The following FAM193B variants were observed in gnomAD, a reference collection of about 807,000 sequenced individuals.
The protein encoded by FAM193B is protein FAM193B.
In FAM193B, 27 loss-of-function variants were observed where a neutral mutation model predicts 70.7. The ratio of observed to expected loss-of-function variants is 0.38; its 90% CI spans 0.28 to 0.53. The LOEUF (loss-of-function observed/expected upper bound fraction) is 0.53. Among genes scored for constraint, FAM193B ranks in the 20% least tolerant of loss-of-function variants. The pLI is 0.81. For synonymous variants in FAM193B, 448 were observed against 436.0 expected (o/e 1.03, Z -0.34); for missense variants, 1,022 against 1,072.5 (o/e 0.95, Z 0.66).
At chr5:177,531,536 G>GGGGT in intron 5 of FAM193B, 2 of 1,047,038 alleles carry the variant, frequency 1.9e-6, no homozygotes, top group Non-Finnish European at 2.6e-6. Flanking sequence ...GGGTGGGGGG[G>GGGGT]AGGTGCTGAC....
At chr5:177,552,437 G>T (rs1364228579) in intron 1 of FAM193B, among the ~76,000 whole-genome samples, 1 of 152,240 alleles carries the variant, frequency 6.6e-6, no homozygotes, top group Non-Finnish European at 1.5e-5. Flanking sequence ...AGAAATTGAT[G>T]AAGCTTAGAG....
chr5:177,550,600 C>T (rs1766081452), intron 1 of FAM193B, among the ~76,000 whole-genome samples: 1 of 152,140 alleles, frequency 6.6e-6, no homozygotes, highest in Non-Finnish European at 1.5e-5. Flanking sequence ...GATGAGTTCA[C>T]CTCTCCTCAC....
intron 1 of FAM193B, among the ~76,000 whole-genome samples, chr5:177,549,382 A>T (rs1765902147): frequency 6.6e-6 from 1 of 151,670 alleles, no homozygotes; most frequent in Non-Finnish European, 1.5e-5. Context: ...TTTAGTAGAG[A>T]CAGGGTTTCA....
chr5:177,538,929 C>A lies in FAM193B; in HGVS notation c.429G>T (p.Gln143His). 6.2e-7 allele frequency: 1 copy of A among 1,614,080 alleles called. No individual in the cohort carries two copies. Among genetic ancestry groups the A allele is most frequent in the Non-Finnish European group, 8.5e-7 (1 of 1,179,906 alleles). ...CCGCCACTGCATGTTCTCGACCTGT[C>A]TGCCTTTCATCTTCCTCCATGCTCT... ...CRKSMEEDER[Q>H]TGREHAVAIS... Residue 143 changes from glutamine (Q) to histidine (H), a missense_variant, in exon 2 of 9, where the codon CAG becomes CAT. Coordinates refer to ENST00000514747, the MANE Select transcript of FAM193B (RefSeq NM_001190946.3). The surrounding 1 kb of genome is among the most constrained non-coding windows in gnomAD (Gnocchi z 4.1).
chr5:177,526,518 A>G (rs1187952218), intron 5 of FAM193B, among the ~76,000 whole-genome samples: 1 of 152,078 alleles, frequency 6.6e-6, no homozygotes, highest in African/African-American at 2.4e-5. Context: ...GATTTCACAG[A>G]AAAGTTTGGC....
At chr5:177,524,129 C>T (rs933098618) in intron 6 of FAM193B, 56 bp downstream of exon 6, 1 of 1,604,224 alleles carries the variant, frequency 6.2e-7, no homozygotes, top group South Asian at 1.1e-5. Context: ...GCTGCCCCTC[C>T]ACCCCGTGGA....
chr5:177,547,495 A>G (rs1765603408), intron 1 of FAM193B, among the ~76,000 whole-genome samples: 1 of 151,094 alleles, frequency 6.6e-6, no homozygotes, highest in African/African-American at 2.4e-5. Flanking sequence ...CGTGTTAGCC[A>G]GGATGGTCTC....
rs1766747973 is a variant in FAM193B, at chr5:177,554,263, C to T, written c.196G>A (p.Val66Met). The T allele has an allele frequency of 6.8e-7, 1 of 1,478,462 alleles. No individual in the cohort carries two copies. The allele number at this position is 1,478,462 out of a possible 1,614,324, so 91.6% of individuals were successfully genotyped here. A position where few individuals can be genotyped will look rare whatever the true frequency, so the allele number is the denominator to read the frequency against. The change falls in exon 1 of 9, where the codon GTG becomes ATG. Residue 66 changes from valine (V) to methionine (M), a missense_variant. Val to Met is a conservative substitution (Grantham distance 21, BLOSUM62 1). Coordinates refer to ENST00000514747, the MANE Select transcript of FAM193B (RefSeq NM_001190946.3). ...CTCGCTCCTACCTGCGGGCCGGGCA[C>T]CAGGTTGGGTTCGTCATCCTCCCTG... Reference protein sequence around the residue: ...GPREDDEPNLVPGPQVPPASS... With the variant: ...GPREDDEPNLMPGPQVPPASS...
Position 177,532,770 on chromosome 5 carries a change from A to G in FAM193B, c.1077-129T>C. 2.6e-6 allele frequency: 2 copies of G among 772,060 alleles called. No individual in the cohort carries two copies. Among genetic ancestry groups the G allele is most frequent in the Middle Eastern group, 3.9e-4 (1 of 2,590 alleles). 47.8% of individuals were successfully genotyped at this position (772,060 alleles called of 1,614,324 possible). ...CTCCACAGAGGTCCCAGGTGGTCCA[A>G]CTACATTGCACCTCTCACCTGAACA... On this transcript the variant is annotated intron_variant, in intron 4 of 8. Transcript: ENST00000514747. This position sits in a 1 kb window ranked among gnomAD's most constrained non-coding sequence, Gnocchi z 4.9.
rs1313045396 is a variant in FAM193B, at chr5:177,536,532, G to A, written c.902C>T (p.Pro301Leu). 2 of 1,542,026 alleles carry A rather than the reference G, an allele frequency of 1.3e-6. No homozygotes were observed. Among genetic ancestry groups the A allele is most frequent in the African/African-American group, 1.4e-5 (1 of 71,458 alleles). The stretch of plus-strand genomic sequence containing the variant: ...GCTCTGACATGGCCCTGGAGTGTGG[G>A]GGGCAGTGGCAGCAGCAACAGGGCA... ...SECPVAAATA[P>L]HTPGPCQSSH... The change falls in exon 4 of 9, where the codon CCC (proline) becomes CTC (leucine). Residue 301 changes from proline (P) to leucine (L), a missense_variant. Transcript: ENST00000514747.
chr5:177,540,958 T>C (rs919428619), intron 1 of FAM193B, among the ~76,000 whole-genome samples: 1 of 152,174 alleles, frequency 6.6e-6, no homozygotes, highest in African/African-American at 2.4e-5. Flanking sequence ...AAACCTCTAA[T>C]GTTACCATTA....
intron 1 of FAM193B, among the ~76,000 whole-genome samples, chr5:177,545,809 G>A (rs1263499431): frequency 6.6e-6 from 1 of 152,156 alleles, no homozygotes; most frequent in Admixed American, 6.5e-5. Flanking sequence ...AGCACTCAGC[G>A]TGGCCTCATT....
At position 177,538,129 on chromosome 5, in the gene FAM193B, G is replaced by A. The variant is rs1275427590; in HGVS notation, c.454-22C>T. ...AGATCTGGAGAAGGGGGAGGAAAAA[G>A]GCTCACGGTCAAACAGCAAACATCG... On this transcript the variant is annotated intron_variant, in intron 2 of 8. Coordinates refer to ENST00000514747, the MANE Select transcript of FAM193B (RefSeq NM_001190946.3). The surrounding 1 kb of genome is among the most constrained non-coding windows in gnomAD (Gnocchi z 4.1). 6.6e-7 allele frequency: 1 copy of A among 1,520,250 alleles called. No individual in the cohort carries two copies. The highest frequency in any genetic ancestry group is 1.2e-5 in the South Asian group (1 of 80,602). The allele number at this position is 1,520,250 out of a possible 1,614,324, so 94.2% of individuals were successfully genotyped here. A position where few individuals can be genotyped will look rare whatever the true frequency, so the allele number is the denominator to read the frequency against.
At position 177,524,358 on chromosome 5, in the gene FAM193B, GT is replaced by G; in HGVS notation, c.2122del (p.Thr708LeufsTer99). 6.3e-7 allele frequency: 1 copy of G among 1,575,792 alleles called. No homozygotes were observed. Among genetic ancestry groups the G allele is most frequent in the Non-Finnish European group, 8.6e-7 (1 of 1,161,756 alleles). ...CCAGGAGCTGCCCTTCTCCTTCTCA[GT>G]TTTGGGACTGCCAGCCCAACCTGGT... ...PGPGWAGSPK[T>X]EKEKGSSWRN... is the part of the protein sequence containing the mutation. On this transcript the variant is annotated frameshift_variant, in exon 6 of 9. Coordinates refer to ENST00000514747, the MANE Select transcript of FAM193B (RefSeq NM_001190946.3). LOFTEE classifies it high-confidence loss of function.
In FAM193B at chr5:177,554,264, C is replaced by T. The variant is rs1184328227; in HGVS notation, c.195G>A (p.Leu65=). The change falls in exon 1 of 9, where the codon CTG becomes CTA. Residue 65 remains leucine (L), a synonymous_variant. Transcript: ENST00000514747. ...TCGCTCCTACCTGCGGGCCGGGCAC[C>T]AGGTTGGGTTCGTCATCCTCCCTGG... is the stretch of plus-strand genomic sequence containing the variant. ...DGPREDDEPN[L]VPGPQVPPAS... The T allele has an allele frequency of 6.8e-7, 1 of 1,478,086 alleles. No homozygotes were observed. Among genetic ancestry groups the T allele is most frequent in the Admixed American group, 2.2e-5 (1 of 44,554 alleles). 91.6% of individuals were successfully genotyped at this position (1,478,086 alleles called of 1,614,324 possible).
intron 5 of FAM193B, among the ~76,000 whole-genome samples, chr5:177,529,209 A>G (rs1251391956): frequency 1.3e-5 from 2 of 151,064 alleles, no homozygotes; most frequent in Admixed American, 1.3e-4. Context: ...CTGTCAGCCC[A>G]TGACTCTCTC....
chr5:177,531,156 C>T, intron 5 of FAM193B: 1 of 1,073,170 alleles, frequency 9.3e-7, no homozygotes, highest in Non-Finnish European at 1.2e-6. Context: ...TTCAGACCTT[C>T]CCAGAACAGT....
intron 5 of FAM193B, chr5:177,531,953 C>T (rs1369032875): frequency 3.1e-6 from 4 of 1,278,328 alleles, no homozygotes; most frequent in Admixed American, 4.8e-5. Flanking sequence ...TCCTCTTCAC[C>T]TTATGAGACT....
At chr5:177,523,376 A>G (rs1255678011) in intron 7 of FAM193B, 2 of 228,622 alleles carry the variant, frequency 8.7e-6, no homozygotes, top group East Asian at 2.5e-4. Context: ...TTTTTCCTGA[A>G]TATTTTTGAT....
Sources: allele counts gnomAD v4.1 joint callset (sites outside exome capture counted in the v4.1 genomes callset), GRCh38; gene constraint gnomAD v4.1.1; non-coding constraint Gnocchi (gnomAD v3.1); transcripts MANE v1.5; gene names NCBI Gene and HGNC (gene_info 2026-07-23, HGNC 2026-07-21).